The following TNIK variants were observed in gnomAD, a reference collection of about 807,000 sequenced individuals.
TNIK encodes the protein TRAF2 and NCK interacting kinase, also known as TRAF2 and NCK-interacting protein kinase.
In TNIK, 49 loss-of-function variants were observed where a neutral mutation model predicts 191.3. That is an observed-to-expected ratio of 0.26 (90% CI 0.20 to 0.32). The LOEUF (loss-of-function observed/expected upper bound fraction) is 0.32, where lower values mean the gene tolerates loss of function less well. Among genes scored for constraint, TNIK ranks in the 10% least tolerant of loss-of-function variants. TNIK has a pLI of 1.00. For missense variants in TNIK, 1,155 were observed against 1,702.3 expected (o/e 0.68, Z 5.66); for synonymous variants, 594 against 600.9 (o/e 0.99, Z 0.17).
chr3:171,335,047 T>C (rs866055835), intron 2 of TNIK, among the ~76,000 whole-genome samples: 5 of 149,458 alleles, frequency 3.3e-5, no homozygotes, highest in Middle Eastern at 3.4e-3. Flanking sequence ...AAAAAAAAAT[T>C]GTCTCCTCCT....
intron 2 of TNIK, among the ~76,000 whole-genome samples, chr3:171,306,171 A>G (rs1214626187): frequency 6.6e-6 from 1 of 152,132 alleles, no homozygotes; most frequent in Non-Finnish European, 1.5e-5. Flanking sequence ...ATGAGAACAC[A>G]TAGATGGAAA....
At chr3:171,206,693 T>C (rs1235367694) in intron 4 of TNIK, among the ~76,000 whole-genome samples, 1 of 152,114 alleles carries the variant, frequency 6.6e-6, no homozygotes, top group Non-Finnish European at 1.5e-5. Flanking sequence ...CTAATGAGTT[T>C]TGAGGCCCGG....
chr3:171,282,508 A>T (rs1750581923), intron 2 of TNIK, among the ~76,000 whole-genome samples: 1 of 151,594 alleles, frequency 6.6e-6, no homozygotes, highest in Non-Finnish European at 1.5e-5. Context: ...CGCCCAGCTA[A>T]TTTTTTTGTA....
chr3:171,229,259 C>T (rs13063227), intron 2 of TNIK, among the ~76,000 whole-genome samples: 12,686 of 152,276 alleles, frequency 0.083, 635 homozygotes, highest in Middle Eastern at 0.14. Flanking sequence ...ATGGTCCTGT[C>T]TTCTGGTGAA....
At chr3:171,197,035 GT>G (rs563505491) in intron 4 of TNIK, among the ~76,000 whole-genome samples, 166 of 152,250 alleles carry the variant, frequency 1.1e-3, no homozygotes, top group African/African-American at 2.3e-3. Context: ...GATTACAGGC[GT>G]TGAGCCACCA....
Position 171,231,943 on chromosome 3 carries a change from T to C in TNIK, c.124-3722A>G, listed in dbSNP as rs554102566. 1.5e-4 allele frequency among the ~76,000 whole-genome samples: 23 copies of C among 152,314 alleles called. No homozygotes were observed. The East Asian group carries it at 4.2e-3, about 28-fold the overall frequency. The stretch of plus-strand genomic sequence containing the variant: ...ATCACAAATTTCTATCGCCAAACTT[T>C]TAAAATAATTTTTAAAACAAACTTT... On this transcript the variant is annotated intron_variant, in intron 2 of 32. Transcript: ENST00000436636.
Position 171,093,912 on chromosome 3 carries a change from T to C in TNIK, c.2648A>G (p.His883Arg). The C allele has an allele frequency of 1.2e-6, 2 of 1,613,912 alleles. No homozygotes were observed. The highest frequency in any genetic ancestry group is 1.7e-6 in the Non-Finnish European group (2 of 1,179,852). The change falls in exon 23 of 33, where the codon CAT (histidine) becomes CGT (arginine). Residue 883 changes from histidine to arginine, a missense_variant. His to Arg is a conservative substitution (Grantham distance 29). Transcript: ENST00000436636. ...EQYNVGMVGT[H>R]GLETSHADSF... ...GTCCGCATGAGAGGTCTCCAGCCCA[T>C]GCGTCCCCACCATTCCCACATTGTA...
At chr3:171,082,571 T>C in intron 26 of TNIK, 177 bp from the exon 27 acceptor site, 1 of 730,066 alleles carries the variant, frequency 1.4e-6, no homozygotes, top group East Asian at 2.8e-5. Flanking sequence ...ATTGTACTTC[T>C]GGTAATGAAA....
intron 12 of TNIK, among the ~76,000 whole-genome samples, chr3:171,143,791 A>G (rs1731172219): frequency 6.6e-6 from 1 of 152,128 alleles, no homozygotes; most frequent in East Asian, 1.9e-4. Context: ...AAGAGGGGAG[A>G]GCCCTGCAGA....
At chr3:171,380,783 G>C (rs540545720) in intron 1 of TNIK, among the ~76,000 whole-genome samples, 11 of 152,266 alleles carry the variant, frequency 7.2e-5, no homozygotes, top group Non-Finnish European at 1.3e-4. Flanking sequence ...TTTCGGCCAA[G>C]GGCCCAGGAC....
intron 15 of TNIK, 61 bp downstream of exon 15, chr3:171,138,128 TCA>T: frequency 7.0e-7 from 1 of 1,436,176 alleles, no homozygotes; most frequent in South Asian, 1.7e-5. Flanking sequence ...TCCACTTCTA[TCA>T]CACAAACTCA....
At chr3:171,330,954 A>G (rs1205880812) in intron 2 of TNIK, among the ~76,000 whole-genome samples, 1 of 152,228 alleles carries the variant, frequency 6.6e-6, no homozygotes, top group African/African-American at 2.4e-5. Context: ...GGAAAAAGAC[A>G]TGGATGGTCC....
chr3:171,273,998 T>C (rs1476846392), intron 2 of TNIK, among the ~76,000 whole-genome samples: 1 of 152,262 alleles, frequency 6.6e-6, no homozygotes, highest in Non-Finnish European at 1.5e-5. Flanking sequence ...CTACCTCATC[T>C]TACAGAATAT....
chr3:171,260,684 T>A (rs1747492106), intron 2 of TNIK, among the ~76,000 whole-genome samples: 1 of 152,210 alleles, frequency 6.6e-6, no homozygotes. Context: ...CAATGAGTTG[T>A]TTTTAGCTAA....
chr3:171,331,947 G>A (rs150050722), intron 2 of TNIK, among the ~76,000 whole-genome samples: 1 of 152,108 alleles, frequency 6.6e-6, no homozygotes, highest in Non-Finnish European at 1.5e-5. Flanking sequence ...TAATAAAAGT[G>A]TAGGGGAATC....
chr3:171,284,120 G>C lies in TNIK; in HGVS notation c.124-55899C>G, dbSNP rs575478379. On this transcript the variant is annotated intron_variant, in intron 2 of 32. Transcript: ENST00000436636. Reference sequence around the variant, plus strand: ...GACCTATGAATCTGAAACTCTGGAGGGGGGCGGCAGGGAGGAGGGCAGGAA... The same window carrying C: ...GACCTATGAATCTGAAACTCTGGAGCGGGGCGGCAGGGAGGAGGGCAGGAA... Among the ~76,000 whole-genome samples the C allele has an allele frequency of 7.2e-5, 11 of 152,114 alleles. No individual in the cohort carries two copies. The South Asian group carries it at 1.9e-3, about 26-fold the overall frequency.
At chr3:171,215,958 T>C (rs1274026834) in intron 3 of TNIK, among the ~76,000 whole-genome samples, 3 of 152,152 alleles carry the variant, frequency 2.0e-5, no homozygotes, top group Non-Finnish European at 4.4e-5. Flanking sequence ...ATAAGGTGTA[T>C]AGATTCATAA....
chr3:171,349,546 ACT>A (rs1038514463), intron 2 of TNIK, among the ~76,000 whole-genome samples: 12 of 152,154 alleles, frequency 7.9e-5, no homozygotes, highest in African/African-American at 2.9e-4. Flanking sequence ...GAAGAAGCTG[ACT>A]CCTGATTCCC....
rs557193866 is a variant in TNIK at position 171,148,268 on chromosome 3, A to G, written c.1222-7759T>C. On this transcript the variant is annotated intron_variant, in intron 12 of 32. Coordinates refer to ENST00000436636, the MANE Select transcript of TNIK (RefSeq NM_015028.4). ...GCAAGCTGGTCTTTGCGGACACTGA[A>G]AGAGGCATGACAGTTCTAAACAGAC... 2.0e-5 allele frequency among the ~76,000 whole-genome samples: 3 copies of G among 152,340 alleles called. No individual in the cohort carries two copies. In the South Asian group the frequency reaches 6.2e-4, roughly 32 times the overall value.
Sources: allele counts gnomAD v4.1 joint callset (sites outside exome capture counted in the v4.1 genomes callset), GRCh38; gene constraint gnomAD v4.1.1; transcripts MANE v1.5; gene names NCBI Gene and HGNC (gene_info 2026-07-23, HGNC 2026-07-21).